The following PSD3 variants were observed in gnomAD, a reference collection of about 807,000 sequenced individuals.
PSD3 encodes PH and SEC7 domain-containing protein 3.
Under a neutral mutation model 105.5 loss-of-function variants are expected in PSD3, and 49 were observed. The observed-to-expected ratio is 0.46, with a 90% confidence interval of 0.37 to 0.59. PSD3 has a LOEUF of 0.59. Among genes scored for constraint, PSD3 ranks in the 20% least tolerant of loss-of-function variants. The pLI is 0.00. For missense variants in PSD3, 1,561 were observed against 1,263.8 expected (o/e 1.24, Z -3.57); for synonymous variants, 557 against 457.8 (o/e 1.22, Z -2.77).
At chr8:18,870,751 C>A (rs1459365486) in intron 3 of PSD3, among the ~76,000 whole-genome samples, 2 of 151,646 alleles carry the variant, frequency 1.3e-5, no homozygotes, top group East Asian at 3.9e-4. Context: ...CATGTGAATA[C>A]CAGGGAACAA....
In PSD3 at chr8:18,857,221, C is replaced by G. The variant is rs116357056; in HGVS notation, c.1634+10453G>C. Among the ~76,000 whole-genome samples, 620 of 152,318 alleles carry G rather than the reference C, an allele frequency of 4.1e-3. 10 individuals are homozygous for G. Among genetic ancestry groups the G allele is most frequent in the African/African-American group, 0.014 (597 of 41,596 alleles). ...CCCCTGAGAACGGGGACTGGCTCAA[C>G]TTTGTATTCTGCCTCTAAGCAACTT... On this transcript the variant is annotated intron_variant, in intron 4 of 15. Coordinates refer to ENST00000327040, the MANE Select transcript of PSD3 (RefSeq NM_015310.4).
chr8:19,069,357 A>G (rs1236962018), intron 1 of PSD3, among the ~76,000 whole-genome samples: 1 of 152,088 alleles, frequency 6.6e-6, no homozygotes, highest in Non-Finnish European at 1.5e-5. Flanking sequence ...ACAAAACACC[A>G]TTCTTCCAAT....
chr8:18,747,004 A>C (rs570102743), intron 9 of PSD3, among the ~76,000 whole-genome samples: 36 of 152,238 alleles, frequency 2.4e-4, no homozygotes, highest in Admixed American at 1.4e-3. Flanking sequence ...CTCTCTCTCT[A>C]CCTGTGTATG....
At chr8:18,814,253 C>T (rs945216711) in intron 4 of PSD3, among the ~76,000 whole-genome samples, 3 of 152,198 alleles carry the variant, frequency 2.0e-5, no homozygotes, top group Admixed American at 6.5e-5. Flanking sequence ...CCCCCAGCCC[C>T]ACCCGCCGCA....
At chr8:19,044,439 C>T (rs1243481043) in intron 1 of PSD3, among the ~76,000 whole-genome samples, 2 of 152,214 alleles carry the variant, frequency 1.3e-5, no homozygotes, top group Non-Finnish European at 2.9e-5. Flanking sequence ...AAATAAATCA[C>T]TCTATCTTTA....
At chr8:18,926,850 C>G (rs1293822039) in intron 2 of PSD3, among the ~76,000 whole-genome samples, 1 of 152,084 alleles carries the variant, frequency 6.6e-6, no homozygotes, top group East Asian at 1.9e-4. Flanking sequence ...AGGTTGAGGG[C>G]TTGGTCCCTC....
At chr8:18,758,393 G>C (rs1443634454) in intron 9 of PSD3, among the ~76,000 whole-genome samples, 1 of 150,808 alleles carries the variant, frequency 6.6e-6, no homozygotes, top group Non-Finnish European at 1.5e-5. Context: ...AACTCAGAAA[G>C]AGAGATGGGT....
intron 2 of PSD3, among the ~76,000 whole-genome samples, chr8:18,921,055 G>A (rs968828063): frequency 6.6e-6 from 1 of 152,134 alleles, no homozygotes; most frequent in African/African-American, 2.4e-5. Context: ...TGAATGGAAT[G>A]ACAGTTTCAC....
At chr8:18,687,500 G>GA (rs1554471342) in intron 9 of PSD3, among the ~76,000 whole-genome samples, 1 of 148,380 alleles carries the variant, frequency 6.7e-6, no homozygotes, top group Non-Finnish European at 1.5e-5. Context: ...TTTTTTTTCT[G>GA]AAAAAATGAA....
intron 10 of PSD3, among the ~76,000 whole-genome samples, chr8:18,642,421 T>C (rs1245574255): frequency 2.0e-5 from 3 of 152,186 alleles, no homozygotes; most frequent in African/African-American, 4.8e-5. Flanking sequence ...CATATACACA[T>C]TAAAAATCAT....
At chr8:18,747,145 TA>T (rs1380445621) in intron 9 of PSD3, among the ~76,000 whole-genome samples, 1 of 152,258 alleles carries the variant, frequency 6.6e-6, no homozygotes, top group East Asian at 1.9e-4. Context: ...CTTCAATTCT[TA>T]ATACTAACGA....
At chr8:18,944,556 G>A (rs1162242581) in intron 1 of PSD3, among the ~76,000 whole-genome samples, 1 of 151,550 alleles carries the variant, frequency 6.6e-6, no homozygotes, top group Non-Finnish European at 1.5e-5. Flanking sequence ...GGGCGACAGA[G>A]TGAGACTCCA....
chr8:19,058,507 TTTATA>T (rs1828783303), intron 1 of PSD3, among the ~76,000 whole-genome samples: 1 of 149,290 alleles, frequency 6.7e-6, no homozygotes, highest in East Asian at 1.9e-4. Context: ...TTTATATACA[TTTATA>T]TTATATGTGT....
intron 1 of PSD3, among the ~76,000 whole-genome samples, chr8:18,970,342 A>AAAG (rs1824566156): frequency 6.7e-6 from 1 of 150,112 alleles, no homozygotes; most frequent in Non-Finnish European, 1.5e-5. Context: ...AAAAAAAAAA[A>AAAG]AAAAAACAAA....
At chr8:18,624,460 T>C (rs963081123) in intron 11 of PSD3, among the ~76,000 whole-genome samples, 1 of 146,752 alleles carries the variant, frequency 6.8e-6, no homozygotes, top group South Asian at 2.2e-4. Context: ...TTATAAGTAA[T>C]TTAAAATTTC....
intron 9 of PSD3, among the ~76,000 whole-genome samples, chr8:18,656,798 C>T (rs1195311520): frequency 6.6e-6 from 1 of 152,108 alleles, no homozygotes; most frequent in Non-Finnish European, 1.5e-5. Flanking sequence ...TAGTGCACAA[C>T]AGCCTCAAAC....
chr8:18,881,627 G>A (rs1818109271), intron 2 of PSD3, among the ~76,000 whole-genome samples: 1 of 152,098 alleles, frequency 6.6e-6, no homozygotes, highest in Non-Finnish European at 1.5e-5. Flanking sequence ...CAGACTATAT[G>A]GCAGTCACAT....
At chr8:18,834,588 T>A (rs1813944197) in intron 4 of PSD3, among the ~76,000 whole-genome samples, 1 of 152,132 alleles carries the variant, frequency 6.6e-6, no homozygotes, top group Non-Finnish European at 1.5e-5. Flanking sequence ...CTGCTCACCC[T>A]AGAAATCTGG....
Position 18,862,762 on chromosome 8 carries a change from ACTT to A in PSD3, c.1634+4909_1634+4911del, listed in dbSNP as rs1250746995. ...TCAAATCGCACTTCAACAAATTTCTACTTCTTATTTCACATGAATTCTTCCTAA... is the reference window on the plus strand; with the variant it reads ...TCAAATCGCACTTCAACAAATTTCTACTTATTTCACATGAATTCTTCCTAA... On this transcript the variant is annotated intron_variant, in intron 4 of 15. Coordinates refer to ENST00000327040, the MANE Select transcript of PSD3 (RefSeq NM_015310.4). 2.6e-5 allele frequency among the ~76,000 whole-genome samples: 4 copies of A among 152,156 alleles called. No individual in the cohort carries two copies. In the East Asian group the frequency reaches 5.8e-4, roughly 22 times the overall value.
Sources: allele counts gnomAD v4.1 joint callset (sites outside exome capture counted in the v4.1 genomes callset), GRCh38; gene constraint gnomAD v4.1.1; transcripts MANE v1.5; gene names NCBI Gene and HGNC (gene_info 2026-07-23, HGNC 2026-07-21).